Variants in TENM3 observed in about 807,000 individuals in gnomAD.
TENM3 encodes the protein teneurin transmembrane protein 3, also known as teneurin-3.
TENM3 carries 63 observed loss-of-function variants against 255.1 expected under a neutral mutation model. The observed-to-expected ratio is 0.25, with a 90% confidence interval of 0.20 to 0.30. The LOEUF is 0.30. Ranked by LOEUF, TENM3 falls within the 10% of genes least tolerant of loss-of-function variation. The probability of loss-of-function intolerance (pLI) is 1.00; values close to 1 mark genes in which losing one functional copy is unlikely to be tolerated. For missense variants in TENM3, 2,929 were observed against 3,461.1 expected (o/e 0.85, Z 3.86); for synonymous variants, 1,306 against 1,322.3 (o/e 0.99, Z 0.27).
chr4:182,747,427 C>G (rs968694464), intron 19 of TENM3, among the ~76,000 whole-genome samples: 5 of 152,150 alleles, frequency 3.3e-5, no homozygotes, highest in African/African-American at 1.2e-4. Context: ...ATAAATGTTA[C>G]TGATCAACAT....
At chr4:181,602,893 A>G in the TENM3 span, among the ~76,000 whole-genome samples, 227 of 152,250 alleles carry the variant, frequency 1.5e-3, no homozygotes, top group African/African-American at 5.2e-3. Context: ...TCTGCATACT[A>G]AAGTTAGAAA....
intron 24 of TENM3, among the ~76,000 whole-genome samples, chr4:182,775,842 G>A (rs1764645932): frequency 6.6e-6 from 1 of 152,016 alleles, no homozygotes; most frequent in Admixed American, 6.6e-5. Flanking sequence ...AAACCTTATG[G>A]GAGAATCAGA....
At chr4:181,521,386 G>A in the TENM3 span, among the ~76,000 whole-genome samples, 1 of 152,150 alleles carries the variant, frequency 6.6e-6, no homozygotes, top group Non-Finnish European at 1.5e-5. Context: ...TTGTAAGTGT[G>A]GTCTGGTGTA....
At chr4:181,608,914 A>G in the TENM3 span, among the ~76,000 whole-genome samples, 2 of 152,222 alleles carry the variant, frequency 1.3e-5, no homozygotes, top group Non-Finnish European at 2.9e-5. Flanking sequence ...TTAAAATGAC[A>G]CATCAACAAA....
chr4:182,501,825 A>G (rs1736351009), intron 3 of TENM3, among the ~76,000 whole-genome samples: 1 of 152,176 alleles, frequency 6.6e-6, no homozygotes, highest in African/African-American at 2.4e-5. Flanking sequence ...CTTTAAAGCC[A>G]TAGATTGTAC....
At chr4:182,193,531 G>T (rs1284753514) in intron 1 of TENM3, among the ~76,000 whole-genome samples, 1 of 152,156 alleles carries the variant, frequency 6.6e-6, no homozygotes, top group Non-Finnish European at 1.5e-5. Context: ...CATTTGACCG[G>T]AGGCACATTA....
the TENM3 span, among the ~76,000 whole-genome samples, chr4:181,531,549 A>G: frequency 1.3e-4 from 20 of 152,342 alleles, 1 homozygote; most frequent in African/African-American, 4.3e-4. Flanking sequence ...ACTGTAACGA[A>G]TTATTTATTG....
chr4:182,578,382 A>G (rs969694408), intron 3 of TENM3, among the ~76,000 whole-genome samples: 1 of 151,978 alleles, frequency 6.6e-6, no homozygotes, highest in Non-Finnish European at 1.5e-5. Context: ...TGTTTCCTGC[A>G]TATTGTTCTC....
the TENM3 span, among the ~76,000 whole-genome samples, chr4:182,120,411 G>C: frequency 6.6e-6 from 1 of 152,086 alleles, no homozygotes; most frequent in African/African-American, 2.4e-5. Flanking sequence ...ATGTATCTCT[G>C]CCAAGCGATG....
the TENM3 span, among the ~76,000 whole-genome samples, chr4:181,515,992 G>T: frequency 6.6e-6 from 1 of 152,134 alleles, no homozygotes; most frequent in Non-Finnish European, 1.5e-5. Flanking sequence ...TGGTACATAT[G>T]CATCATGGAA....
At chr4:182,712,655 T>G (rs562515218) in intron 12 of TENM3, among the ~76,000 whole-genome samples, 56 of 152,302 alleles carry the variant, frequency 3.7e-4, no homozygotes, top group Non-Finnish European at 7.1e-4. Context: ...GAATGTCTCT[T>G]GGCGATATTT....
Position 182,346,117 on chromosome 4 carries a change from A to G in TENM3, c.233-534A>G, listed in dbSNP as rs1764788537. ...CATACATACATACATACAAAATACT[A>G]CGTGTTATGTTGATTGCTAAGTCAA... On this transcript the variant is annotated intron_variant, in intron 2 of 27. Coordinates refer to ENST00000511685, the MANE Select transcript of TENM3 (RefSeq NM_001080477.4). Among the ~76,000 whole-genome samples, 2 of 150,668 alleles carry G rather than the reference A, an allele frequency of 1.3e-5. 1 individual carries two copies. Among genetic ancestry groups the G allele is most frequent in the South Asian group, 4.2e-4 (2 of 4,746 alleles).
At chr4:181,746,680 A>G in the TENM3 span, among the ~76,000 whole-genome samples, 2 of 151,926 alleles carry the variant, frequency 1.3e-5, no homozygotes, top group East Asian at 1.9e-4. Context: ...ATTTTTCCCT[A>G]TGCAGAAATC....
the TENM3 span, among the ~76,000 whole-genome samples, chr4:182,112,753 A>G: frequency 2.6e-5 from 4 of 152,176 alleles, no homozygotes; most frequent in Non-Finnish European, 5.9e-5. Context: ...CGTTTATGCT[A>G]ATTGCCATCC....
At chr4:181,617,316 C>T in the TENM3 span, among the ~76,000 whole-genome samples, 1 of 152,098 alleles carries the variant, frequency 6.6e-6, no homozygotes, top group African/African-American at 2.4e-5. Context: ...CGTTTTAATT[C>T]AATTTAAACG....
At chr4:182,597,002 T>C (rs181046830) in intron 3 of TENM3, among the ~76,000 whole-genome samples, 85 of 152,332 alleles carry the variant, frequency 5.6e-4, no homozygotes, top group African/African-American at 1.7e-3. Context: ...GTTAGATCCT[T>C]AAACACTTTT....
the TENM3 span, among the ~76,000 whole-genome samples, chr4:182,108,628 G>A: frequency 6.6e-6 from 1 of 152,140 alleles, no homozygotes; most frequent in Admixed American, 6.5e-5. Context: ...TATGGAGAGG[G>A]GTGGGTGGAA....
intron 4 of TENM3, among the ~76,000 whole-genome samples, chr4:182,606,503 G>A (rs1748443931): frequency 7.8e-6 from 1 of 127,846 alleles, no homozygotes; most frequent in Non-Finnish European, 1.6e-5. Flanking sequence ...CAGCCTGGGC[G>A]ACAGAGGGAG....
At chr4:181,714,549 G>T in the TENM3 span, among the ~76,000 whole-genome samples, 3 of 152,166 alleles carry the variant, frequency 2.0e-5, no homozygotes, top group African/African-American at 7.2e-5. Context: ...TCCTATAGGT[G>T]GTTTGACAGT....
Sources: gnomAD v4.1 joint callset for allele counts (sites outside exome capture counted in the v4.1 genomes callset) on GRCh38, gnomAD v4.1.1 for gene constraint, MANE v1.5 for transcripts, NCBI Gene and HGNC (gene_info 2026-07-23, HGNC 2026-07-21) for gene names.